The following CPQ variants were observed in gnomAD, a reference collection of about 807,000 sequenced individuals.
The protein encoded by CPQ is Ser-Met dipeptidase.
A neutral mutation model predicts 45.7 loss-of-function variants in CPQ; 37 were observed. The observed-to-expected ratio is 0.81, with a 90% confidence interval of 0.62 to 1.07. CPQ has a LOEUF of 1.07. Ranked by LOEUF, CPQ falls within the 50% of genes least tolerant of loss-of-function variation. CPQ has a pLI of 0.00. For synonymous variants in CPQ, 186 were observed against 205.8 expected (o/e 0.90, Z 0.82); for missense variants, 537 against 572.9 (o/e 0.94, Z 0.64).
intron 4 of CPQ, among the ~76,000 whole-genome samples, chr8:96,951,069 A>T (rs16895147): frequency 0.067 from 10,209 of 152,260 alleles, 484 homozygotes; most frequent in East Asian, 0.15. Context: ...GAGTTAAAAC[A>T]GATGAAATAA....
At chr8:97,142,214 C>T (rs1018868721) in intron 7 of CPQ, among the ~76,000 whole-genome samples, 3 of 152,148 alleles carry the variant, frequency 2.0e-5, no homozygotes, top group Non-Finnish European at 4.4e-5. Flanking sequence ...AGTCAACCAA[C>T]CAATCAATCA....
At chr8:97,041,653 C>T (rs550133720) in intron 6 of CPQ, among the ~76,000 whole-genome samples, 4 of 152,226 alleles carry the variant, frequency 2.6e-5, no homozygotes, top group South Asian at 2.1e-4. Flanking sequence ...TTTTGAGTTA[C>T]GTCCCCTCAA....
At chr8:97,005,292 A>C (rs936635029) in intron 5 of CPQ, among the ~76,000 whole-genome samples, 6 of 151,866 alleles carry the variant, frequency 4.0e-5, no homozygotes, top group Non-Finnish European at 5.9e-5. Context: ...ATATTGGCCA[A>C]GATGGTCTCA....
At chr8:96,730,862 C>CATATATATATATAT (rs1490194461) in intron 1 of CPQ, among the ~76,000 whole-genome samples, 4 of 29,376 alleles carry the variant, frequency 1.4e-4, no homozygotes, top group African/African-American at 3.7e-4. Context: ...ATTAACCATA[C>CATATATATATATAT]ATACATATAT....
At chr8:97,097,805 GGAGAGA>G (rs370633853) in intron 7 of CPQ, among the ~76,000 whole-genome samples, 1 of 150,730 alleles carries the variant, frequency 6.6e-6, no homozygotes, top group Admixed American at 6.6e-5. Context: ...GCCCAGACAA[GGAGAGA>G]GAGAGAGAGA....
At chr8:97,044,050 G>T (rs182505041) in intron 6 of CPQ, among the ~76,000 whole-genome samples, 1 of 152,192 alleles carries the variant, frequency 6.6e-6, no homozygotes, top group African/African-American at 2.4e-5. Flanking sequence ...GATTGGGGAA[G>T]TTCTCCTGGA....
At chr8:96,894,879 C>T (rs535542267) in intron 4 of CPQ, among the ~76,000 whole-genome samples, 162 of 152,298 alleles carry the variant, frequency 1.1e-3, no homozygotes, top group South Asian at 4.4e-3. Flanking sequence ...GATTTCACTG[C>T]ACCAATTCTG....
intron 5 of CPQ, among the ~76,000 whole-genome samples, chr8:97,016,370 T>C (rs1226206640): frequency 6.6e-6 from 1 of 152,228 alleles, no homozygotes; most frequent in African/African-American, 2.4e-5. Context: ...CTCACAAAAA[T>C]GGCATCTTTT....
chr8:96,698,372 T>C (rs754524051), intron 1 of CPQ, among the ~76,000 whole-genome samples: 1 of 152,106 alleles, frequency 6.6e-6, no homozygotes, highest in Non-Finnish European at 1.5e-5. Flanking sequence ...GACTTAAATC[T>C]AAGACCTAAA....
At chr8:96,778,843 G>A (rs1197492968) in intron 1 of CPQ, among the ~76,000 whole-genome samples, 1 of 152,054 alleles carries the variant, frequency 6.6e-6, no homozygotes, top group Non-Finnish European at 1.5e-5. Context: ...GATGGGGGTG[G>A]ATCACAAGGT....
At chr8:96,986,438 T>C (rs778750881) in intron 5 of CPQ, among the ~76,000 whole-genome samples, 5 of 152,230 alleles carry the variant, frequency 3.3e-5, no homozygotes, top group East Asian at 1.9e-4. Flanking sequence ...TCTTGCAGAA[T>C]AGTGCCTTAG....
At chr8:96,992,179 G>A (rs1313275134) in intron 5 of CPQ, among the ~76,000 whole-genome samples, 1 of 152,142 alleles carries the variant, frequency 6.6e-6, no homozygotes, top group Non-Finnish European at 1.5e-5. Context: ...TAGTGACAAA[G>A]ATAATTAGGT....
intron 6 of CPQ, among the ~76,000 whole-genome samples, chr8:97,050,186 T>C (rs914860022): frequency 6.6e-6 from 1 of 152,166 alleles, no homozygotes; most frequent in Non-Finnish European, 1.5e-5. Context: ...TTGTTTTGCC[T>C]CACACATGAA....
chr8:96,690,563 G>C (rs1809292286), intron 1 of CPQ, among the ~76,000 whole-genome samples: 1 of 152,134 alleles, frequency 6.6e-6, no homozygotes, highest in South Asian at 2.1e-4. Context: ...TTCCTAACAA[G>C]GGATTGTTAG....
At chr8:96,858,668 T>C (rs1205396526) in intron 3 of CPQ, among the ~76,000 whole-genome samples, 4 of 152,228 alleles carry the variant, frequency 2.6e-5, no homozygotes, top group African/African-American at 9.6e-5. Context: ...TTTCCTGTGA[T>C]GCAGAAAGCT....
At chr8:96,673,233 T>G (rs955629981) in intron 1 of CPQ, among the ~76,000 whole-genome samples, 2 of 152,114 alleles carry the variant, frequency 1.3e-5, no homozygotes, top group African/African-American at 4.8e-5. Flanking sequence ...GAAAGTACAC[T>G]CCACAGAATG....
intron 7 of CPQ, among the ~76,000 whole-genome samples, chr8:97,089,608 T>A (rs965163715): frequency 2.0e-5 from 3 of 152,218 alleles, no homozygotes; most frequent in African/African-American, 4.8e-5. Context: ...GGAGATATAT[T>A]TATTTTGTAG....
At chr8:96,756,829 T>G (rs1403908771) in intron 1 of CPQ, among the ~76,000 whole-genome samples, 1 of 152,210 alleles carries the variant, frequency 6.6e-6, no homozygotes, top group East Asian at 1.9e-4. Flanking sequence ...CACCCTGATA[T>G]TTCTCTTTAT....
intron 2 of CPQ, among the ~76,000 whole-genome samples, chr8:96,824,066 G>A (rs1021462456): frequency 6.6e-6 from 1 of 152,044 alleles, no homozygotes; most frequent in African/African-American, 2.4e-5. Context: ...TCTTAGTGGA[G>A]ATGGCCTCTA....
Sources: gnomAD v4.1 joint callset for allele counts (sites outside exome capture counted in the v4.1 genomes callset) on GRCh38, gnomAD v4.1.1 for gene constraint, MANE v1.5 for transcripts, NCBI Gene and HGNC (gene_info 2026-07-23, HGNC 2026-07-21) for gene names.